CCDC138: variants seen among roughly 807,000 people sequenced by gnomAD.
CCDC138 encodes coiled-coil domain-containing protein 138.
A neutral mutation model predicts 82.3 loss-of-function variants in CCDC138; 66 were observed. The observed-to-expected ratio is 0.80, with a 90% CI of 0.66 to 0.98. The LOEUF (loss-of-function observed/expected upper bound fraction) is 0.98, where lower values mean the gene tolerates loss of function less well. Among genes scored for constraint, CCDC138 ranks in the 50% least tolerant of loss-of-function variants. The pLI, the probability that CCDC138 is intolerant of heterozygous loss-of-function variation, is 0.00. For synonymous variants in CCDC138, 297 were observed against 265.4 expected (o/e 1.12, Z -1.16); for missense variants, 816 against 758.9 (o/e 1.08, Z -0.88).
chr2:108,795,441 G>A (rs1234949847), intron 5 of CCDC138, among the ~76,000 whole-genome samples: 1 of 152,190 alleles, frequency 6.6e-6, no homozygotes, highest in Non-Finnish European at 1.5e-5. Context: ...ACAGGCGTGA[G>A]CCACAGTGCC....
At chr2:108,872,450 A>C (rs1695415812) in intron 13 of CCDC138, among the ~76,000 whole-genome samples, 1 of 152,198 alleles carries the variant, frequency 6.6e-6, no homozygotes, top group Non-Finnish European at 1.5e-5. Context: ...AGTTATATGC[A>C]AAAGGCACAT....
At chr2:108,815,072 T>G (rs1684527901) in intron 9 of CCDC138, among the ~76,000 whole-genome samples, 6 of 152,240 alleles carry the variant, frequency 3.9e-5, no homozygotes, top group Admixed American at 3.9e-4. Flanking sequence ...AATTTATAAA[T>G]TACTTTGTTA....
intron 10 of CCDC138, among the ~76,000 whole-genome samples, chr2:108,829,989 A>G (rs1005794559): frequency 6.7e-6 from 1 of 149,948 alleles, no homozygotes; most frequent in African/African-American, 2.5e-5. Flanking sequence ...TAGCAAGATT[A>G]TATATAATAA....
chr2:108,810,197 G>A (rs1485674483), intron 7 of CCDC138, among the ~76,000 whole-genome samples: 4 of 152,156 alleles, frequency 2.6e-5, no homozygotes, highest in African/African-American at 4.8e-5. Flanking sequence ...AGAGTGGTGA[G>A]AATGAGCATC....
In CCDC138 at chr2:108,793,708, T is replaced by G. The variant is rs558503420; in HGVS notation, c.395-832T>G. Among the ~76,000 whole-genome samples, 5 of 152,026 alleles carry G rather than the reference T, an allele frequency of 3.3e-5. 1 individual carries two copies. In the South Asian group the frequency reaches 1.0e-3, roughly 32 times the overall value. On this transcript the variant is annotated intron_variant, in intron 4 of 14. Transcript: ENST00000295124. ...GCCTCCCGGATTCACGCCACTCTCC[T>G]GCCTCAGCCTCCCGAGTAGCTGGGA...
chr2:108,826,621 C>T (rs1686645000), intron 10 of CCDC138, among the ~76,000 whole-genome samples: 1 of 152,100 alleles, frequency 6.6e-6, no homozygotes, highest in African/African-American at 2.4e-5. Context: ...TTTGTCTATC[C>T]TTATGCCGGT....
At chr2:108,872,708 C>G (rs948030997) in intron 13 of CCDC138, among the ~76,000 whole-genome samples, 4 of 152,040 alleles carry the variant, frequency 2.6e-5, no homozygotes, top group African/African-American at 4.8e-5. Flanking sequence ...GGCGGTGGAG[C>G]CTCATGGCCT....
intron 10 of CCDC138, among the ~76,000 whole-genome samples, chr2:108,829,021 G>C (rs1687094182): frequency 6.6e-6 from 1 of 152,096 alleles, no homozygotes. Flanking sequence ...AGGCTTAAAT[G>C]TAAGAATTAA....
At chr2:108,828,350 C>T (rs542578453) in intron 10 of CCDC138, among the ~76,000 whole-genome samples, 2 of 152,214 alleles carry the variant, frequency 1.3e-5, no homozygotes, top group Non-Finnish European at 1.5e-5. Context: ...TCAAAGAATA[C>T]TACTTATCCT....
At chr2:108,828,360 T>G (rs995815824) in intron 10 of CCDC138, among the ~76,000 whole-genome samples, 3 of 152,186 alleles carry the variant, frequency 2.0e-5, no homozygotes, top group African/African-American at 7.2e-5. Flanking sequence ...CTACTTATCC[T>G]AAAATTGATA....
At chr2:108,848,145 T>A (rs747118092) in intron 12 of CCDC138, among the ~76,000 whole-genome samples, 1 of 152,150 alleles carries the variant, frequency 6.6e-6, no homozygotes, top group East Asian at 1.9e-4. Context: ...ATAAGAAAAA[T>A]TATTAATCAT....
At chr2:108,860,461 CTG>C (rs755023581) in intron 13 of CCDC138, among the ~76,000 whole-genome samples, 1 of 151,040 alleles carries the variant, frequency 6.6e-6, no homozygotes, top group Non-Finnish European at 1.5e-5. Flanking sequence ...ATGATATTGA[CTG>C]TAGTTTTGTC....
rs371068749 is a variant in CCDC138, at chr2:108,832,024, C to T, written c.1207-7161C>T. On this transcript the variant is annotated intron_variant, in intron 10 of 14. Coordinates refer to ENST00000295124, the MANE Select transcript of CCDC138 (RefSeq NM_144978.3). ...CTGGGATTACAAGCGTGAGCCACCA[C>T]GCACAGCTTTTTTTCTCTTTTTTGA... Among the ~76,000 whole-genome samples the T allele has an allele frequency of 1.1e-4, 17 of 151,868 alleles. No individual in the cohort carries two copies. In the South Asian group the frequency reaches 3.1e-3, roughly 28 times the overall value.
In CCDC138 at chr2:108,839,200, AC is replaced by A; in HGVS notation, c.1223del (p.Thr408LysfsTer10). 1 of 1,609,602 alleles carries A rather than the reference AC, an allele frequency of 6.2e-7. No homozygotes were observed. The highest frequency in any genetic ancestry group is 1.1e-5 in the South Asian group (1 of 90,304). ...TTATCTTTAGCTTTTGCCTCTAATG[AC>A]AGAGCAGCTACAGTGGATGCCATTT... ...EKCVKLLPLM[T>X]EQLQWMPFVN... On this transcript the variant is annotated frameshift_variant, in exon 11 of 15. Transcript: ENST00000295124. LOFTEE classifies it high-confidence loss of function.
At chr2:108,839,940 G>C (rs995161943) in intron 11 of CCDC138, among the ~76,000 whole-genome samples, 3 of 151,366 alleles carry the variant, frequency 2.0e-5, no homozygotes, top group Non-Finnish European at 4.4e-5. Context: ...TCCTTGCCTT[G>C]TTTCTCCTCT....
intron 11 of CCDC138, among the ~76,000 whole-genome samples, chr2:108,845,268 T>C (rs1690246955): frequency 6.6e-6 from 1 of 152,220 alleles, no homozygotes. Flanking sequence ...TTAAATTAGA[T>C]TGCACTGCTT....
At chr2:108,858,171 C>T (rs527980615) in intron 13 of CCDC138, among the ~76,000 whole-genome samples, 3 of 152,256 alleles carry the variant, frequency 2.0e-5, no homozygotes, top group African/African-American at 7.2e-5. Context: ...CGGTGAAACC[C>T]CGTCTGTACT....
At chr2:108,881,871 C>T (rs1324546283) in intron 1 of CCDC138, among the ~76,000 whole-genome samples, 8 of 152,080 alleles carry the variant, frequency 5.3e-5, no homozygotes, top group East Asian at 3.9e-4. Context: ...TGGCCAGGCA[C>T]GATGGCTCAC....
chr2:108,853,907 T>C (rs111226347), intron 12 of CCDC138, among the ~76,000 whole-genome samples: 1 of 121,100 alleles, frequency 8.3e-6, no homozygotes, highest in Non-Finnish European at 1.6e-5. Flanking sequence ...ATATTATATA[T>C]TATATAGTAT....
Sources: allele counts gnomAD v4.1 joint callset (sites outside exome capture counted in the v4.1 genomes callset), GRCh38; gene constraint gnomAD v4.1.1; transcripts MANE v1.5; gene names NCBI Gene and HGNC (gene_info 2026-07-23, HGNC 2026-07-21).